The following TCEANC2 variants were observed in gnomAD, a reference collection of about 807,000 sequenced individuals.
TCEANC2 encodes the protein transcription elongation factor A N-terminal and central domain-containing protein 2.
TCEANC2 carries 20 observed loss-of-function variants against 22.8 expected under a neutral mutation model. The ratio of observed to expected loss-of-function variants is 0.88; its 90% CI spans 0.62 to 1.28. The LOEUF (loss-of-function observed/expected upper bound fraction) is 1.28. Ranked by LOEUF, TCEANC2 falls within the 50% of genes most tolerant of loss-of-function variation. The pLI is 0.00. For synonymous variants in TCEANC2, 84 were observed against 95.5 expected (o/e 0.88, Z 0.70); for missense variants, 251 against 249.7 (o/e 1.01, Z -0.03).
chr1:54,059,227 A>G (rs1017256443), intron 2 of TCEANC2, among the ~76,000 whole-genome samples: 11 of 146,960 alleles, frequency 7.5e-5, no homozygotes, highest in Admixed American at 2.1e-4. Flanking sequence ...ATCTCAGCTT[A>G]CTGCAGCCTC....
At chr1:54,066,145 G>T (rs1405152697) in intron 2 of TCEANC2, among the ~76,000 whole-genome samples, 1 of 152,008 alleles carries the variant, frequency 6.6e-6, no homozygotes, top group Non-Finnish European at 1.5e-5. Flanking sequence ...CCAGCTACTC[G>T]GGAAGCTGGC....
intron 2 of TCEANC2, among the ~76,000 whole-genome samples, chr1:54,057,807 C>T (rs1657782483): frequency 6.6e-6 from 1 of 152,184 alleles, no homozygotes; most frequent in Non-Finnish European, 1.5e-5. Flanking sequence ...CTGCCTCATC[C>T]CCTGCTAGTC....
At chr1:54,107,637 T>A (rs893212954), downstream of TCEANC2, among the ~76,000 whole-genome samples, 1 of 152,236 alleles carries the variant, frequency 6.6e-6, no homozygotes, top group Non-Finnish European at 1.5e-5. Flanking sequence ...TTTATTAATA[T>A]ATCAATATGG....
intron 3 of TCEANC2, among the ~76,000 whole-genome samples, chr1:54,072,673 G>A (rs1225189732): frequency 6.6e-6 from 1 of 152,164 alleles, no homozygotes; most frequent in African/African-American, 2.4e-5. Flanking sequence ...GGGATTACAG[G>A]CGTGAGCCAT....
At chr1:54,084,402 G>A (rs1658299936) in intron 3 of TCEANC2, among the ~76,000 whole-genome samples, 1 of 152,100 alleles carries the variant, frequency 6.6e-6, no homozygotes, top group Admixed American at 6.5e-5. Flanking sequence ...TGAGCTTGTA[G>A]GTTGTTCCTA....
At chr1:54,073,216 C>G (rs1416100651) in intron 3 of TCEANC2, among the ~76,000 whole-genome samples, 1 of 152,224 alleles carries the variant, frequency 6.6e-6, no homozygotes, top group Non-Finnish European at 1.5e-5. Context: ...ATCCTCCTGC[C>G]TTGGCCTCCC....
chr1:54,094,840 T>A (rs1284115723), intron 4 of TCEANC2, among the ~76,000 whole-genome samples: 1 of 152,114 alleles, frequency 6.6e-6, no homozygotes, highest in Non-Finnish European at 1.5e-5. Flanking sequence ...AGAGACAAAC[T>A]TAAAATATAG....
In TCEANC2 at chr1:54,104,103, G is replaced by C. The variant is rs1475492853; in HGVS notation, c.*7630G>C. The C allele has an allele frequency of 6.6e-6, 1 of 152,530 alleles. No individual in the cohort carries two copies. Among genetic ancestry groups the C allele is most frequent in the East Asian group, 1.9e-4 (1 of 5,188 alleles). The allele number at this position is 152,530 out of a possible 1,614,324, so 9.4% of individuals were successfully genotyped here. A position where few individuals can be genotyped will look rare whatever the true frequency, so the allele number is the denominator to read the frequency against. Reference sequence around the variant, plus strand: ...GAGAGAAGAGCTGCCATCCTCCAGGGTGCAGCACATGTTCGAAATCAAAGA... The same window carrying C: ...GAGAGAAGAGCTGCCATCCTCCAGGCTGCAGCACATGTTCGAAATCAAAGA... On this transcript the variant is annotated 3_prime_UTR_variant, in exon 5 of 5. Coordinates refer to ENST00000234827, the MANE Select transcript of TCEANC2 (RefSeq NM_153035.3).
At chr1:54,092,555 T>C (rs762853479) in intron 4 of TCEANC2, among the ~76,000 whole-genome samples, 22 of 152,212 alleles carry the variant, frequency 1.4e-4, no homozygotes, top group Non-Finnish European at 2.8e-4. Context: ...ATTTAACAAA[T>C]ATTGGTTGAA....
At chr1:54,070,653 G>C (rs148379219) in intron 3 of TCEANC2, among the ~76,000 whole-genome samples, 1 of 152,204 alleles carries the variant, frequency 6.6e-6, no homozygotes, top group African/African-American at 2.4e-5. Flanking sequence ...GGAGTTTCTT[G>C]GTTTCTTTAT....
intron 3 of TCEANC2, among the ~76,000 whole-genome samples, chr1:54,071,930 GC>G (rs1296383547): frequency 2.6e-5 from 4 of 151,608 alleles, no homozygotes; most frequent in Admixed American, 1.3e-4. Flanking sequence ...CCCCACCTCA[GC>G]CCCCCAAGTA....
chr1:54,068,576 A>G (rs1318040203), intron 2 of TCEANC2, among the ~76,000 whole-genome samples, 180 bp from the exon 3 acceptor site: 1 of 152,192 alleles, frequency 6.6e-6, no homozygotes, highest in Non-Finnish European at 1.5e-5. Flanking sequence ...CCTGATTTGC[A>G]CTAAGCCGTA....
At chr1:54,065,329 A>G (rs1657933384) in intron 2 of TCEANC2, among the ~76,000 whole-genome samples, 1 of 152,222 alleles carries the variant, frequency 6.6e-6, no homozygotes, top group Non-Finnish European at 1.5e-5. Context: ...AAAGTACATA[A>G]GGGATAGGCA....
downstream of TCEANC2, among the ~76,000 whole-genome samples, chr1:54,108,673 G>A (rs1658794631): frequency 6.6e-6 from 1 of 152,136 alleles, no homozygotes; most frequent in African/African-American, 2.4e-5. Flanking sequence ...ACACAACCAT[G>A]AATGAAAATG....
chr1:54,088,478 C>A, intron 3 of TCEANC2, 119 bp from the exon 4 acceptor site: 1 of 727,866 alleles, frequency 1.4e-6, no homozygotes, highest in Non-Finnish European at 2.2e-6. Flanking sequence ...GCACAAGAGT[C>A]TTTACATCCT....
chr1:54,104,543 T>C lies in TCEANC2; in HGVS notation c.*8070T>C, dbSNP rs1463590515. On this transcript the variant is annotated 3_prime_UTR_variant, in exon 5 of 5. Coordinates refer to ENST00000234827, the MANE Select transcript of TCEANC2 (RefSeq NM_153035.3). Reference sequence around the variant, plus strand: ...CTTCTTGGTATTCCTTTGCCCAATTTTTTTTTCTTTTTCTTTTTCAGAGGT... The same window carrying C: ...CTTCTTGGTATTCCTTTGCCCAATTCTTTTTTCTTTTTCTTTTTCAGAGGT... 2.2e-6 allele frequency: 1 copy of C among 454,198 alleles called. No homozygotes were observed. The highest frequency in any genetic ancestry group is 4.4e-6 in the Non-Finnish European group (1 of 225,950). 28.1% of individuals were successfully genotyped at this position (454,198 alleles called of 1,614,324 possible).
At chr1:54,089,772 T>G (rs1658407912) in intron 4 of TCEANC2, 1 of 348,116 alleles carries the variant, frequency 2.9e-6, no homozygotes, top group African/African-American at 2.1e-5. Flanking sequence ...AGTACTTACT[T>G]TTTTTAAAAT....
chr1:54,073,421 C>T (rs1401585394), intron 3 of TCEANC2, among the ~76,000 whole-genome samples: 1 of 152,172 alleles, frequency 6.6e-6, no homozygotes, highest in Non-Finnish European at 1.5e-5. Context: ...TATGAGAGTC[C>T]CAGCTCCCCT....
chr1:54,091,715 T>G (rs1658450795), intron 4 of TCEANC2, among the ~76,000 whole-genome samples: 1 of 152,148 alleles, frequency 6.6e-6, no homozygotes, highest in African/African-American at 2.4e-5. Flanking sequence ...CAGGCTCCAT[T>G]CCCCTTTACT....
Sources: gnomAD v4.1 joint callset for allele counts (sites outside exome capture counted in the v4.1 genomes callset) on GRCh38, gnomAD v4.1.1 for gene constraint, MANE v1.5 for transcripts, NCBI Gene and HGNC (gene_info 2026-07-23, HGNC 2026-07-21) for gene names.